Variants in ADAMTS12 observed in about 807,000 individuals in gnomAD.
ADAMTS12 encodes ADAM metallopeptidase with thrombospondin type 1 motif 12.
Under a neutral mutation model 167.8 loss-of-function variants are expected in ADAMTS12, and 118 were observed. The ratio of observed to expected loss-of-function variants is 0.70; its 90% CI spans 0.61 to 0.82. The LOEUF (loss-of-function observed/expected upper bound fraction) is 0.82. Ranked by LOEUF, ADAMTS12 falls within the 40% of genes least tolerant of loss-of-function variation. The probability of loss-of-function intolerance (pLI) is 0.00; values close to 1 mark genes in which losing one functional copy is unlikely to be tolerated. For missense variants in ADAMTS12, 1,916 were observed against 1,998.8 expected (o/e 0.96, Z 0.79); for synonymous variants, 704 against 716.9 (o/e 0.98, Z 0.29).
chr5:33,852,424 G>A (rs1374903971), intron 2 of ADAMTS12, among the ~76,000 whole-genome samples: 11 of 152,110 alleles, frequency 7.2e-5, no homozygotes, highest in Non-Finnish European at 1.0e-4. Flanking sequence ...GAAATCAAAC[G>A]GGAAAAAACA....
At chr5:33,588,953 C>A in intron 17 of ADAMTS12, 144 bp from the exon 18 acceptor site, 1 of 951,172 alleles carries the variant, frequency 1.1e-6, no homozygotes, top group East Asian at 2.6e-5. Flanking sequence ...GGGCGTGCTG[C>A]AGACAGGGCC....
At chr5:33,710,670 T>C (rs1285158283) in intron 3 of ADAMTS12, among the ~76,000 whole-genome samples, 1 of 152,164 alleles carries the variant, frequency 6.6e-6, no homozygotes, top group Non-Finnish European at 1.5e-5. Context: ...GGTTGTCCTA[T>C]GCACTGTGGA....
At chr5:33,642,213 G>C (rs113405686) in intron 10 of ADAMTS12, among the ~76,000 whole-genome samples, 3 of 152,170 alleles carry the variant, frequency 2.0e-5, no homozygotes, top group African/African-American at 7.2e-5. Context: ...TTGGCAGATC[G>C]AGCACGAGAA....
At chr5:33,640,854 CATAT>C (rs945397291) in intron 11 of ADAMTS12, among the ~76,000 whole-genome samples, 45 of 148,132 alleles carry the variant, frequency 3.0e-4, no homozygotes, top group African/African-American at 1.1e-3. Context: ...TGTATACATG[CATAT>C]ATATTCATAT....
At chr5:33,539,456 C>A (rs926606545) in intron 22 of ADAMTS12, among the ~76,000 whole-genome samples, 7 of 152,328 alleles carry the variant, frequency 4.6e-5, no homozygotes, top group African/African-American at 7.2e-5. Context: ...GCCAACTCCT[C>A]TTTGCTCTAG....
intron 3 of ADAMTS12, 69 bp downstream of exon 3, chr5:33,751,335 T>C (rs774911478): frequency 6.2e-7 from 1 of 1,601,066 alleles, no homozygotes; most frequent in Non-Finnish European, 8.6e-7. Context: ...GAATAGGTCA[T>C]GTTTTAATAA....
At chr5:33,837,198 G>A (rs766421049) in intron 2 of ADAMTS12, among the ~76,000 whole-genome samples, 3 of 152,248 alleles carry the variant, frequency 2.0e-5, no homozygotes, top group Admixed American at 6.5e-5. Context: ...TCGGGGCTGG[G>A]CCCGAGTAGG....
chr5:33,891,767 A>C lies in ADAMTS12; in HGVS notation c.90T>G (p.Pro30=). The part of the protein sequence containing the change: ...NFGALCYGRQ[P]QPGPVRFPDR... ...CCGGGAAGCGAACCGGGCCTGGCTG[A>C]GGCTGTCTCCCATAGCAAAGCGCCC... The change falls in exon 1 of 24, where the codon CCT becomes CCG. Residue 30 remains proline (P), a synonymous_variant. Coordinates refer to ENST00000504830, the MANE Select transcript of ADAMTS12 (RefSeq NM_030955.4). 6.2e-7 allele frequency: 1 copy of C among 1,614,246 alleles called. No homozygotes were observed. The highest frequency in any genetic ancestry group is 8.5e-7 in the Non-Finnish European group (1 of 1,180,038).
chr5:33,827,307 C>T (rs1412199291), intron 2 of ADAMTS12, among the ~76,000 whole-genome samples: 4 of 151,456 alleles, frequency 2.6e-5, no homozygotes, highest in Non-Finnish European at 5.9e-5. Context: ...CTCTAAAAGT[C>T]GATGGTGTCA....
At chr5:33,702,240 T>C (rs141924148) in intron 3 of ADAMTS12, among the ~76,000 whole-genome samples, 2 of 152,334 alleles carry the variant, frequency 1.3e-5, no homozygotes, top group African/African-American at 4.8e-5. Context: ...TTGATGTTAA[T>C]AATTTATATA....
chr5:33,690,977 T>G (rs1180729525), intron 3 of ADAMTS12, among the ~76,000 whole-genome samples: 1 of 152,176 alleles, frequency 6.6e-6, no homozygotes, highest in Non-Finnish European at 1.5e-5. Context: ...AGTCCCAGTA[T>G]GCTTAGACAT....
At chr5:33,729,697 G>C (rs2112350426) in intron 3 of ADAMTS12, among the ~76,000 whole-genome samples, 1 of 152,328 alleles carries the variant, frequency 6.6e-6, no homozygotes, top group Non-Finnish European at 1.5e-5. Context: ...TGAAAAGTCA[G>C]AGGCATCACC....
intron 3 of ADAMTS12, among the ~76,000 whole-genome samples, chr5:33,723,941 T>G (rs910459239): frequency 7.2e-5 from 11 of 152,224 alleles, no homozygotes; most frequent in Non-Finnish European, 1.6e-4. Flanking sequence ...TGCAATGCAA[T>G]GAAGAAAGAC....
At chr5:33,875,377 C>A (rs1254230609) in intron 2 of ADAMTS12, among the ~76,000 whole-genome samples, 1 of 152,182 alleles carries the variant, frequency 6.6e-6, no homozygotes, top group Non-Finnish European at 1.5e-5. Context: ...AACAAATGTA[C>A]TACTCCGGTG....
chr5:33,741,320 G>A (rs999013646), intron 3 of ADAMTS12, among the ~76,000 whole-genome samples: 1 of 152,170 alleles, frequency 6.6e-6, no homozygotes, highest in Admixed American at 6.5e-5. Context: ...TTCTCCTGAG[G>A]CCTCTCTCCT....
At chr5:33,837,322 T>C (rs369498817) in intron 2 of ADAMTS12, among the ~76,000 whole-genome samples, 22 of 152,216 alleles carry the variant, frequency 1.4e-4, no homozygotes, top group Non-Finnish European at 2.4e-4. Context: ...GACCAGGCAA[T>C]GGAAGGACTG....
intron 2 of ADAMTS12, among the ~76,000 whole-genome samples, chr5:33,755,318 C>G (rs1745129796): frequency 6.6e-6 from 1 of 152,122 alleles, no homozygotes; most frequent in Non-Finnish European, 1.5e-5. Context: ...ATATGGCAAG[C>G]CCAGATGGTA....
chr5:33,653,128 T>C (rs1189304369), intron 7 of ADAMTS12, among the ~76,000 whole-genome samples: 1 of 152,160 alleles, frequency 6.6e-6, no homozygotes, highest in Non-Finnish European at 1.5e-5. Context: ...TATTCAGTGA[T>C]TTAGCATTAA....
At chr5:33,849,863 A>T (rs926705258) in intron 2 of ADAMTS12, among the ~76,000 whole-genome samples, 6 of 150,984 alleles carry the variant, frequency 4.0e-5, no homozygotes, top group South Asian at 2.1e-4. Flanking sequence ...ACATTGTATC[A>T]ATATATATAT....
Sources: allele counts gnomAD v4.1 joint callset (sites outside exome capture counted in the v4.1 genomes callset), GRCh38; gene constraint gnomAD v4.1.1; transcripts MANE v1.5; gene names NCBI Gene and HGNC (gene_info 2026-07-23, HGNC 2026-07-21).